PLCB1: variants seen among roughly 807,000 people sequenced by gnomAD.
PLCB1 encodes the protein 1-phosphatidylinositol 4,5-bisphosphate phosphodiesterase beta-1.
Under a neutral mutation model 161.8 loss-of-function variants are expected in PLCB1, and 46 were observed. The ratio of observed to expected loss-of-function variants is 0.28; its 90% confidence interval spans 0.22 to 0.36. PLCB1 has a LOEUF of 0.36. Among genes scored for constraint, PLCB1 ranks in the 10% least tolerant of loss-of-function variants. The pLI is 1.00. For synonymous variants in PLCB1, 517 were observed against 503.7 expected, an observed-to-expected ratio of 1.03 and a Z score of -0.35; for missense variants, 1,016 against 1,472.5, an observed-to-expected ratio of 0.69 and a Z score of 5.07.
chr20:8,609,135 C>A (rs1322877622), intron 3 of PLCB1, among the ~76,000 whole-genome samples: 1 of 152,138 alleles, frequency 6.6e-6, no homozygotes, highest in Non-Finnish European at 1.5e-5. Context: ...GGCATGTCAA[C>A]AGAGCAAAAA....
chr20:8,510,383 C>CTTTTTTTTT (rs11479098), intron 3 of PLCB1, among the ~76,000 whole-genome samples: 4 of 119,810 alleles, frequency 3.3e-5, no homozygotes, highest in South Asian at 2.7e-4. Context: ...TTTTCTTTTT[C>CTTTTTTTTT]TTTTTTTTTT....
chr20:8,547,344 C>T (rs1202206593), intron 3 of PLCB1, among the ~76,000 whole-genome samples: 5 of 152,102 alleles, frequency 3.3e-5, no homozygotes, highest in Non-Finnish European at 7.3e-5. Flanking sequence ...TCTAATTGTC[C>T]ACCACAGATT....
intron 3 of PLCB1, among the ~76,000 whole-genome samples, chr20:8,606,441 T>TA (rs948188977): frequency 1.5e-4 from 23 of 151,424 alleles, no homozygotes; most frequent in Non-Finnish European, 2.4e-4. Context: ...AAAAAACTGA[T>TA]AAAAAAAAAT....
intron 23 of PLCB1, among the ~76,000 whole-genome samples, chr20:8,756,448 C>T (rs1354709658): frequency 6.6e-6 from 1 of 152,172 alleles, no homozygotes; most frequent in Non-Finnish European, 1.5e-5. Flanking sequence ...CAACCCCAAA[C>T]TTGGCAGCTT....
At chr20:8,286,905 C>T (rs1983147388) in intron 2 of PLCB1, among the ~76,000 whole-genome samples, 2 of 152,126 alleles carry the variant, frequency 1.3e-5, no homozygotes, top group Non-Finnish European at 1.5e-5. Context: ...TGAAAATTCT[C>T]ATACTGTAGA....
chr20:8,464,948 C>T (rs1325567990), intron 3 of PLCB1, among the ~76,000 whole-genome samples: 1 of 151,982 alleles, frequency 6.6e-6, no homozygotes, highest in African/African-American at 2.4e-5. Flanking sequence ...ATTTTTAATT[C>T]CTAGATATTC....
intron 12 of PLCB1, among the ~76,000 whole-genome samples, chr20:8,712,466 A>C (rs1024742028): frequency 6.6e-6 from 1 of 152,204 alleles, no homozygotes; most frequent in Non-Finnish European, 1.5e-5. Flanking sequence ...AAGTGTCTTC[A>C]AAATGCAGAT....
chr20:8,566,619 C>A (rs1986343509), intron 3 of PLCB1, among the ~76,000 whole-genome samples: 1 of 152,066 alleles, frequency 6.6e-6, no homozygotes, highest in Non-Finnish European at 1.5e-5. Flanking sequence ...GTAATCATAG[C>A]ACTGAATTTA....
At chr20:8,629,245 TAATG>T (rs1219879904) in intron 4 of PLCB1, among the ~76,000 whole-genome samples, 2 of 152,116 alleles carry the variant, frequency 1.3e-5, no homozygotes, top group East Asian at 1.9e-4. Context: ...TTTTAGATAA[TAATG>T]AAAATAATAT....
chr20:8,844,579 C>CA (rs1306934852), intron 31 of PLCB1, among the ~76,000 whole-genome samples: 2 of 151,322 alleles, frequency 1.3e-5, no homozygotes, highest in South Asian at 4.2e-4. Flanking sequence ...GACCTGGTAT[C>CA]AAAAAAAAGG....
intron 25 of PLCB1, among the ~76,000 whole-genome samples, chr20:8,764,327 T>G (rs1309089125): frequency 1.3e-5 from 2 of 152,222 alleles, no homozygotes; most frequent in Non-Finnish European, 2.9e-5. Context: ...GTTTATACTG[T>G]AAATGATACC....
chr20:8,663,995 G>A (rs1334061853), intron 9 of PLCB1, among the ~76,000 whole-genome samples: 1 of 152,118 alleles, frequency 6.6e-6, no homozygotes, highest in Non-Finnish European at 1.5e-5. Context: ...TTTGGTAACA[G>A]AATGCAGACT....
intron 3 of PLCB1, among the ~76,000 whole-genome samples, chr20:8,448,358 T>C (rs762597294): frequency 1.1e-4 from 17 of 152,218 alleles, no homozygotes; most frequent in Non-Finnish European, 2.1e-4. Context: ...TTGATAATTA[T>C]AGCTTTTCGT....
intron 2 of PLCB1, among the ~76,000 whole-genome samples, chr20:8,340,706 G>C (rs896102227): frequency 1.3e-5 from 2 of 152,068 alleles, no homozygotes; most frequent in Non-Finnish European, 1.5e-5. Flanking sequence ...TTACAGGCGT[G>C]AGCCACCGCG....
intron 24 of PLCB1, among the ~76,000 whole-genome samples, chr20:8,759,714 G>A (rs1242637434): frequency 1.3e-5 from 2 of 151,922 alleles, no homozygotes; most frequent in African/African-American, 2.4e-5. Flanking sequence ...TGGTCAGGCT[G>A]GTGTCGAGCT....
At chr20:8,661,755 T>C (rs1989629207) in intron 9 of PLCB1, among the ~76,000 whole-genome samples, 2 of 150,782 alleles carry the variant, frequency 1.3e-5, no homozygotes, top group African/African-American at 4.9e-5. Context: ...GGCCAAATAG[T>C]ACTAGAGGAA....
At chr20:8,773,896 C>T (rs142224589) in intron 26 of PLCB1, among the ~76,000 whole-genome samples, 176 of 150,334 alleles carry the variant, frequency 1.2e-3, no homozygotes, top group African/African-American at 4.1e-3. Context: ...ATCACTCAAA[C>T]GTGGGAGGTG....
chr20:8,319,763 C>A (rs1259793908), intron 2 of PLCB1, among the ~76,000 whole-genome samples: 2 of 149,232 alleles, frequency 1.3e-5, no homozygotes, highest in African/African-American at 5.0e-5. Flanking sequence ...AATAAAGATT[C>A]TCCTTATTTA....
At chr20:8,691,031 AACTATATAAAAATATAAATACAGGCTCTT>A (rs1990466459) in intron 10 of PLCB1, among the ~76,000 whole-genome samples, 1 of 152,188 alleles carries the variant, frequency 6.6e-6, no homozygotes, top group South Asian at 2.1e-4. Flanking sequence ...TTAGAAACAA[AACTATATAAAAATATAAATACAGGCTCTT>A]GAAGTTTTGC....
Sources: gnomAD v4.1 joint callset for allele counts (sites outside exome capture counted in the v4.1 genomes callset) on GRCh38, gnomAD v4.1.1 for gene constraint, MANE v1.5 for transcripts, NCBI Gene and HGNC (gene_info 2026-07-23, HGNC 2026-07-21) for gene names.